SP100: variants seen among roughly 807,000 people sequenced by gnomAD.
SP100 encodes nuclear autoantigen Sp-100.
A neutral mutation model predicts 130.0 loss-of-function variants in SP100; 84 were observed. The ratio of observed to expected loss-of-function variants is 0.65; its 90% CI spans 0.54 to 0.77. SP100 has a LOEUF of 0.77. Among genes scored for constraint, SP100 ranks in the 30% least tolerant of loss-of-function variants. The pLI, the probability that SP100 is intolerant of heterozygous loss-of-function variation, is 0.00. For synonymous variants in SP100, 331 were observed against 351.7 expected, an observed-to-expected ratio of 0.94 and a Z score of 0.66; for missense variants, 978 against 1,052.2, an observed-to-expected ratio of 0.93 and a Z score of 0.97.
chr2:230,500,898 A>T (rs1225577930), intron 19 of SP100, among the ~76,000 whole-genome samples: 1 of 152,174 alleles, frequency 6.6e-6, no homozygotes, highest in Admixed American at 6.5e-5. Context: ...AGAAAGCTTC[A>T]TCTAATTCCT....
chr2:230,478,633 GCCTTT>G (rs2065682249), intron 17 of SP100, among the ~76,000 whole-genome samples: 1 of 152,096 alleles, frequency 6.6e-6, no homozygotes, highest in Admixed American at 6.5e-5. Flanking sequence ...GGGTCGAGGG[GCCTTT>G]CCTTTCATCT....
chr2:230,533,368 T>G (rs1369875360), intron 24 of SP100, among the ~76,000 whole-genome samples: 1 of 152,316 alleles, frequency 6.6e-6, no homozygotes, highest in African/African-American at 2.4e-5. Flanking sequence ...ACCTAAATAC[T>G]TTAATACAAT....
chr2:230,423,146 A>G (rs2062819599), intron 2 of SP100, among the ~76,000 whole-genome samples: 2 of 152,194 alleles, frequency 1.3e-5, no homozygotes, highest in African/African-American at 4.8e-5. Flanking sequence ...AGTTGTTAGG[A>G]GAAAGCAGAT....
At chr2:230,511,246 C>CG in intron 24 of SP100, 80 bp downstream of exon 24, 1 of 958,614 alleles carries the variant, frequency 1.0e-6, no homozygotes, top group South Asian at 1.3e-5. Flanking sequence ...TGCCTTTCCC[C>CG]GAAGCATGCT....
At chr2:230,453,347 G>A (rs559447673) in intron 8 of SP100, among the ~76,000 whole-genome samples, 1 of 152,114 alleles carries the variant, frequency 6.6e-6, no homozygotes, top group African/African-American at 2.4e-5. Context: ...GATGAGTTTG[G>A]GTGGGGACAC....
chr2:230,523,620 T>C (rs1691277758), intron 24 of SP100, among the ~76,000 whole-genome samples: 1 of 152,080 alleles, frequency 6.6e-6, no homozygotes, highest in Non-Finnish European at 1.5e-5. Flanking sequence ...CAATTATTGG[T>C]AAAATAGGCT....
intron 2 of SP100, among the ~76,000 whole-genome samples, chr2:230,432,143 C>T (rs186591889): frequency 8.5e-5 from 13 of 152,218 alleles, no homozygotes; most frequent in East Asian, 3.9e-4. Context: ...ATATATTATA[C>T]GGTCTTTTAC....
intron 3 of SP100, 21 bp downstream of exon 3, chr2:230,443,120 C>T (rs957392368): frequency 6.2e-7 from 1 of 1,610,980 alleles, no homozygotes; most frequent in Non-Finnish European, 8.5e-7. Context: ...TTTATTATGT[C>T]ACAATCTGGT....
At chr2:230,459,703 T>A (rs1037374419) in intron 8 of SP100, among the ~76,000 whole-genome samples, 5 of 152,160 alleles carry the variant, frequency 3.3e-5, no homozygotes, top group Non-Finnish European at 7.4e-5. Context: ...ACTTGTCCAT[T>A]TCTCTTCATC....
At chr2:230,450,463 A>C (rs1319448417) in intron 8 of SP100, among the ~76,000 whole-genome samples, 1 of 152,192 alleles carries the variant, frequency 6.6e-6, no homozygotes, top group Admixed American at 6.5e-5. Context: ...CATAAATATT[A>C]CCTCACGTAC....
rs551137794 is a variant in SP100, at chr2:230,495,956, T to A, written c.1645+1496T>A. Among the ~76,000 whole-genome samples, 4 of 152,268 alleles carry A rather than the reference T, an allele frequency of 2.6e-5. No homozygotes were observed. The South Asian group carries it at 8.3e-4, about 32-fold the overall frequency. ...ACATAGATATATATGTTTATGTAAA[T>A]GATATATTTTCAAGTATAAGTAACT... On this transcript the variant is annotated intron_variant, in intron 18 of 28. Transcript: ENST00000340126.
At chr2:230,539,987 T>C (rs1461010228) in intron 25 of SP100, among the ~76,000 whole-genome samples, 1 of 152,170 alleles carries the variant, frequency 6.6e-6, no homozygotes. Context: ...TCTGACTCTA[T>C]GAGGGCAGAG....
chr2:230,442,505 T>C (rs1381339144), intron 2 of SP100, among the ~76,000 whole-genome samples: 1 of 152,238 alleles, frequency 6.6e-6, no homozygotes, highest in Non-Finnish European at 1.5e-5. Flanking sequence ...GAAGGACATG[T>C]TATTTTCATC....
chr2:230,433,771 T>G (rs1317484845), intron 2 of SP100, among the ~76,000 whole-genome samples: 1 of 151,582 alleles, frequency 6.6e-6, no homozygotes, highest in Non-Finnish European at 1.5e-5. Flanking sequence ...AAACTCGACT[T>G]TTAAATTCCT....
intron 17 of SP100, 136 bp downstream of exon 17, chr2:230,474,583 G>A: frequency 3.4e-6 from 2 of 580,374 alleles, no homozygotes; most frequent in Non-Finnish European, 6.2e-6. Context: ...TTGTTACATG[G>A]GTAAATTGTG....
chr2:230,498,537 T>TA lies in SP100; in HGVS notation c.1720+15dup, dbSNP rs34979917. On this transcript the variant is annotated splice_region_variant and intron_variant, in intron 19 of 28. Transcript: ENST00000340126. Reference sequence around the variant, plus strand: ...AAAAGAAAAGATGGCAACAAAGAGGTAAAAAAAAAAAAATACATTTTAAAT... The same window carrying TA: ...AAAAGAAAAGATGGCAACAAAGAGGTAAAAAAAAAAAAAATACATTTTAAAT... 8.4e-3 allele frequency: 9,286 copies of TA among 1,106,748 alleles called. 26 individuals carry two copies. The highest frequency in any genetic ancestry group is 0.043 in the African/African-American group (2,550 of 59,838). 68.6% of individuals were successfully genotyped at this position (1,106,748 alleles called of 1,614,324 possible). A position where few individuals can be genotyped will look rare whatever the true frequency, so the allele number is the denominator to read the frequency against.
At chr2:230,519,421 C>T (rs1259251210) in intron 24 of SP100, among the ~76,000 whole-genome samples, 1 of 152,142 alleles carries the variant, frequency 6.6e-6, no homozygotes, top group African/African-American at 2.4e-5. Flanking sequence ...CATTTTCATT[C>T]TTTAGTTGTT....
chr2:230,510,399 C>G (rs1690483710), intron 23 of SP100: 1 of 150,170 alleles, frequency 6.7e-6, no homozygotes, highest in African/African-American at 2.5e-5. Context: ...ACTCTGGGCC[C>G]TGTGGTCACT....
chr2:230,502,173 G>A (rs528370568), intron 19 of SP100, among the ~76,000 whole-genome samples: 8 of 152,114 alleles, frequency 5.3e-5, no homozygotes, highest in South Asian at 4.1e-4. Context: ...TTGAGCCACC[G>A]GGCCCAGCCC....
Sources: allele counts gnomAD v4.1 joint callset (sites outside exome capture counted in the v4.1 genomes callset), GRCh38; gene constraint gnomAD v4.1.1; transcripts MANE v1.5; gene names NCBI Gene and HGNC (gene_info 2026-07-23, HGNC 2026-07-21).